The following OPCML variants were observed in gnomAD, a reference collection of about 807,000 sequenced individuals.
OPCML encodes opioid-binding protein/cell adhesion molecule.
Under a neutral mutation model 37.8 loss-of-function variants are expected in OPCML, and 13 were observed. The ratio of observed to expected loss-of-function variants is 0.34; its 90% CI spans 0.22 to 0.55. The LOEUF (loss-of-function observed/expected upper bound fraction) is 0.55, where lower values mean the gene tolerates loss of function less well. OPCML is among the 20% of genes least tolerant of loss of function. The pLI, the probability that OPCML is intolerant of heterozygous loss-of-function variation, is 0.91. For missense variants in OPCML, 341 were observed against 435.6 expected, an observed-to-expected ratio of 0.78 and a Z score of 1.93; for synonymous variants, 176 against 168.8, an observed-to-expected ratio of 1.04 and a Z score of -0.33.
chr11:132,977,925 C>T (rs1268861480), intron 1 of OPCML, among the ~76,000 whole-genome samples: 1 of 152,056 alleles, frequency 6.6e-6, no homozygotes, highest in East Asian at 1.9e-4. Flanking sequence ...TGGAGAACAT[C>T]AGGATTGGAT....
chr11:132,886,719 G>A (rs1055993396), intron 2 of OPCML, among the ~76,000 whole-genome samples: 1 of 152,212 alleles, frequency 6.6e-6, no homozygotes, highest in Admixed American at 6.5e-5. Flanking sequence ...TGTGCTGGGG[G>A]AGTCGTGGCC....
chr11:132,420,509 T>A (rs1226198629), intron 7 of OPCML: 2 of 512,874 alleles, frequency 3.9e-6, no homozygotes, highest in Non-Finnish European at 5.0e-6. Context: ...TCTGAAAGAC[T>A]ATGCTTAAAA....
chr11:132,747,035 T>C (rs1018557898), intron 2 of OPCML, among the ~76,000 whole-genome samples: 1 of 152,198 alleles, frequency 6.6e-6, no homozygotes, highest in African/African-American at 2.4e-5. Flanking sequence ...AATGAGATGA[T>C]GTGAGCAAGA....
At chr11:132,574,438 C>T (rs949355656) in intron 3 of OPCML, among the ~76,000 whole-genome samples, 2 of 151,442 alleles carry the variant, frequency 1.3e-5, no homozygotes, top group African/African-American at 4.8e-5. Flanking sequence ...TGCTGCATCC[C>T]ATAAGTTTTT....
At chr11:132,824,817 C>T (rs1338964601) in intron 2 of OPCML, among the ~76,000 whole-genome samples, 3 of 152,172 alleles carry the variant, frequency 2.0e-5, no homozygotes, top group South Asian at 4.1e-4. Flanking sequence ...CTCTGTGACC[C>T]CATCTCACAC....
chr11:133,217,310 A>G (rs1421858652), intron 1 of OPCML, among the ~76,000 whole-genome samples: 1 of 152,074 alleles, frequency 6.6e-6, no homozygotes, highest in Non-Finnish European at 1.5e-5. Context: ...ATTACTCATC[A>G]TTCTCACCCG....
intron 1 of OPCML, among the ~76,000 whole-genome samples, chr11:133,404,418 G>T (rs563776822): frequency 6.6e-6 from 1 of 152,268 alleles, no homozygotes; most frequent in South Asian, 2.1e-4. Flanking sequence ...ATGGGAAAAG[G>T]TGCCCTTTAC....
chr11:132,735,697 A>G (rs1945232469), intron 2 of OPCML, among the ~76,000 whole-genome samples: 1 of 152,056 alleles, frequency 6.6e-6, no homozygotes, highest in South Asian at 2.1e-4. Flanking sequence ...GTTAGCCAGG[A>G]TGGTCTCGAT....
At chr11:132,839,597 C>A (rs1403447350) in intron 2 of OPCML, among the ~76,000 whole-genome samples, 7 of 152,156 alleles carry the variant, frequency 4.6e-5, no homozygotes, top group Non-Finnish European at 1.0e-4. Context: ...GAGGACTGTT[C>A]CTGCAGTCTC....
At chr11:132,999,709 G>A (rs946148437) in intron 1 of OPCML, among the ~76,000 whole-genome samples, 7 of 152,258 alleles carry the variant, frequency 4.6e-5, no homozygotes, top group South Asian at 2.1e-4. Context: ...GAACTCCGGC[G>A]CCAAGGAGGC....
chr11:133,207,193 G>T (rs956364394), intron 1 of OPCML, among the ~76,000 whole-genome samples: 7 of 151,690 alleles, frequency 4.6e-5, no homozygotes, highest in Admixed American at 4.6e-4. Flanking sequence ...CCAGCTACTC[G>T]GGAGGCTGAG....
At chr11:133,118,327 G>A in intron 1 of OPCML, 1 of 985,344 alleles carries the variant, frequency 1.0e-6, no homozygotes, top group Non-Finnish European at 1.2e-6. Context: ...GAGAGTTCAG[G>A]GCCCAGGCTG....
intron 1 of OPCML, among the ~76,000 whole-genome samples, chr11:133,204,884 A>ATGTGTATATATATATATATATGTG (rs1555114209): frequency 9.4e-4 from 34 of 36,286 alleles, no homozygotes; most frequent in Non-Finnish European, 1.9e-3. Flanking sequence ...ATATATATAT[A>ATGTGTATATATATATATATATGTG]TATATATATA....
intron 3 of OPCML, among the ~76,000 whole-genome samples, chr11:132,621,978 G>A (rs1266890835): frequency 7.2e-5 from 11 of 152,136 alleles, no homozygotes; most frequent in Admixed American, 6.5e-4. Flanking sequence ...TATTGAAATA[G>A]AGATTAGCCA....
intron 1 of OPCML, among the ~76,000 whole-genome samples, chr11:133,515,994 T>G (rs1948262095): frequency 6.6e-6 from 1 of 152,058 alleles, no homozygotes; most frequent in Non-Finnish European, 1.5e-5. Context: ...CTCCCATGCC[T>G]GCTCAACACA....
chr11:132,934,170 G>A (rs1212445809), intron 2 of OPCML, among the ~76,000 whole-genome samples: 1 of 152,152 alleles, frequency 6.6e-6, no homozygotes, highest in Non-Finnish European at 1.5e-5. Context: ...TGGGTAAATA[G>A]GCAGATGGTA....
chr11:133,510,709 C>T lies in OPCML; in HGVS notation c.61+21555G>A, dbSNP rs150297142. ...TTACCTTGACCCATTTACTACCTGACCTACACGTTACCATGGATGAACTCG... is the reference window on the plus strand; with the variant it reads ...TTACCTTGACCCATTTACTACCTGATCTACACGTTACCATGGATGAACTCG... On this transcript the variant is annotated intron_variant, in intron 1 of 7. Transcript: ENST00000524381. 1.1e-4 allele frequency among the ~76,000 whole-genome samples: 16 copies of T among 152,194 alleles called. No individual in the cohort carries two copies. In the East Asian group the frequency reaches 1.2e-3, roughly 11 times the overall value.
chr11:132,583,715 G>A (rs1452354324), intron 3 of OPCML, among the ~76,000 whole-genome samples: 4 of 152,092 alleles, frequency 2.6e-5, no homozygotes, highest in Non-Finnish European at 5.9e-5. Context: ...CTGGGTTCAA[G>A]AGATTCTCTT....
intron 1 of OPCML, among the ~76,000 whole-genome samples, chr11:133,225,730 G>C (rs1940009748): frequency 6.6e-6 from 1 of 152,136 alleles, no homozygotes; most frequent in Non-Finnish European, 1.5e-5. Context: ...AAGGATTTGT[G>C]TTACCTCTGT....
Sources: allele counts gnomAD v4.1 joint callset (sites outside exome capture counted in the v4.1 genomes callset), GRCh38; gene constraint gnomAD v4.1.1; transcripts MANE v1.5; gene names NCBI Gene and HGNC (gene_info 2026-07-23, HGNC 2026-07-21).